VPS13B: variants seen among roughly 807,000 people sequenced by gnomAD.
VPS13B encodes the protein intermembrane lipid transfer protein VPS13B.
A neutral mutation model predicts 426.4 loss-of-function variants in VPS13B; 285 were observed. The ratio of observed to expected loss-of-function variants is 0.67; its 90% CI spans 0.61 to 0.74. VPS13B has a LOEUF of 0.74. Ranked by LOEUF, VPS13B falls within the 30% of genes least tolerant of loss-of-function variation. The pLI is 0.00. For missense variants in VPS13B, 4,537 were observed against 4,782.6 expected (o/e 0.95, Z 1.51); for synonymous variants, 1,676 against 1,676.4 (o/e 1.00, Z 0.01).
intron 18 of VPS13B, among the ~76,000 whole-genome samples, chr8:99,274,590 T>G (rs957892735): frequency 1.3e-5 from 2 of 152,122 alleles, no homozygotes; most frequent in African/African-American, 4.8e-5. Flanking sequence ...TTATACTTTT[T>G]GGGGGAATAG....
chr8:99,340,693 GT>G, intron 19 of VPS13B: 1 of 379,268 alleles, frequency 2.6e-6, no homozygotes, highest in Non-Finnish European at 5.1e-6. Flanking sequence ...ATGCACAGGT[GT>G]TTTGTTCTCC....
At chr8:99,399,144 A>G (rs1414301906) in intron 21 of VPS13B, among the ~76,000 whole-genome samples, 3 of 152,208 alleles carry the variant, frequency 2.0e-5, no homozygotes, top group Non-Finnish European at 4.4e-5. Flanking sequence ...AGTCTATCTA[A>G]TGAAGTACAT....
intron 35 of VPS13B, among the ~76,000 whole-genome samples, chr8:99,665,594 GT>G (rs1830453948): frequency 6.6e-6 from 1 of 152,112 alleles, no homozygotes; most frequent in African/African-American, 2.4e-5. Context: ...CCCATTGCTT[GT>G]TTTTGTCAGG....
At chr8:99,061,941 G>A (rs1844212616) in intron 3 of VPS13B, among the ~76,000 whole-genome samples, 1 of 152,202 alleles carries the variant, frequency 6.6e-6, no homozygotes, top group Non-Finnish European at 1.5e-5. Context: ...ATTTTAAGGA[G>A]TGAATCTTGT....
In VPS13B at chr8:99,211,764, A is replaced by G. The variant is rs1456419521; in HGVS notation, c.2515+18707A>G. Among the ~76,000 whole-genome samples the G allele has an allele frequency of 3.0e-4, 46 of 152,120 alleles. 1 individual carries two copies. The highest frequency in any genetic ancestry group is 2.9e-3 in the Admixed American group (45 of 15,276). On this transcript the variant is annotated intron_variant, in intron 17 of 61. Transcript: ENST00000357162. Reference sequence around the variant, plus strand: ...TGCACTCCAGCCTGGCGACAGAGAGAGAAAAAAATTACTTATGCTTTCTGT... The same window carrying G: ...TGCACTCCAGCCTGGCGACAGAGAGGGAAAAAAATTACTTATGCTTTCTGT...
At chr8:99,629,183 T>A (rs1299000950) in intron 33 of VPS13B, among the ~76,000 whole-genome samples, 1 of 152,194 alleles carries the variant, frequency 6.6e-6, no homozygotes, top group Non-Finnish European at 1.5e-5. Context: ...AATGAGTTGA[T>A]GTACATGGTG....
intron 19 of VPS13B, among the ~76,000 whole-genome samples, chr8:99,277,545 G>T (rs903274931): frequency 6.6e-6 from 1 of 152,082 alleles, no homozygotes; most frequent in Non-Finnish European, 1.5e-5. Context: ...AATCTTAAAT[G>T]AAAAAATCAA....
chr8:99,450,574 A>T (rs1441297868), intron 23 of VPS13B, among the ~76,000 whole-genome samples: 1 of 152,092 alleles, frequency 6.6e-6, no homozygotes, highest in Non-Finnish European at 1.5e-5. Context: ...TTAGCCGGGC[A>T]TGGTGGCGTG....
intron 39 of VPS13B, among the ~76,000 whole-genome samples, chr8:99,750,180 T>C (rs1171628288): frequency 6.6e-6 from 1 of 152,182 alleles, no homozygotes; most frequent in African/African-American, 2.4e-5. Context: ...CGTGATGAAG[T>C]ATTTCTAAGG....
At chr8:99,508,321 T>G (rs1161624102) in intron 28 of VPS13B, among the ~76,000 whole-genome samples, 1 of 152,198 alleles carries the variant, frequency 6.6e-6, no homozygotes, top group Non-Finnish European at 1.5e-5. Context: ...GGTACCTTCT[T>G]GAATCTGAAC....
In VPS13B at chr8:99,717,555, T is replaced by C. The variant is rs183660468; in HGVS notation, c.6657+182T>C. On this transcript the variant is annotated intron_variant, in intron 37 of 61. Transcript: ENST00000357162. ...GTCATATACCAGCAATCTACCTATTTCAAGTATACAATTCAGTGGTTTTTT... is the reference window on the plus strand; with the variant it reads ...GTCATATACCAGCAATCTACCTATTCCAAGTATACAATTCAGTGGTTTTTT... 4.5e-4 allele frequency among the ~76,000 whole-genome samples: 68 copies of C among 152,320 alleles called. 1 individual carries two copies. The highest frequency in any genetic ancestry group is 1.5e-3 in the African/African-American group (64 of 41,578).
At chr8:99,857,546 G>T (rs1164935993) in intron 56 of VPS13B, among the ~76,000 whole-genome samples, 1 of 152,178 alleles carries the variant, frequency 6.6e-6, no homozygotes, top group Non-Finnish European at 1.5e-5. Context: ...GCTCACAGAA[G>T]AAAGAGGTGG....
At chr8:99,054,054 C>T (rs1452323562) in intron 3 of VPS13B, among the ~76,000 whole-genome samples, 1 of 152,120 alleles carries the variant, frequency 6.6e-6, no homozygotes, top group Non-Finnish European at 1.5e-5. Context: ...TGTGTATTTA[C>T]CCCATTTGGT....
rs755074579 is a variant in VPS13B at position 99,821,103 on chromosome 8, AACACACACACACACACACACACAC to A, written c.8995-150_8995-127del. On this transcript the variant is annotated intron_variant, in intron 49 of 61. Coordinates refer to ENST00000357162, the MANE Select transcript of VPS13B (RefSeq NM_152564.5). ...AATAGAATGTACGTTGTCATTACAA[AACACACACACACACACACACACAC>A]ACACACACACACACACACACACACA... Among the ~76,000 whole-genome samples the A allele has an allele frequency of 6.0e-3, 468 of 78,364 alleles. 4 individuals are homozygous for A. Among genetic ancestry groups the A allele is most frequent in the Middle Eastern group, 0.037 (6 of 164 alleles). The allele number at this position is 78,364 out of a possible 152,430, so 51.4% of individuals were successfully genotyped here.
At chr8:99,212,141 C>T (rs1053903171) in intron 17 of VPS13B, among the ~76,000 whole-genome samples, 2 of 152,154 alleles carry the variant, frequency 1.3e-5, no homozygotes, top group African/African-American at 4.8e-5. Context: ...GATCCGCCCG[C>T]CTTGGCGTCC....
At chr8:99,542,597 CTG>C (rs910234406) in intron 30 of VPS13B, among the ~76,000 whole-genome samples, 1 of 152,158 alleles carries the variant, frequency 6.6e-6, no homozygotes, top group Non-Finnish European at 1.5e-5. Context: ...TGAGATCAGA[CTG>C]TGGCAGCTTT....
intron 24 of VPS13B, among the ~76,000 whole-genome samples, chr8:99,468,471 T>A (rs1000099259): frequency 4.5e-4 from 68 of 151,862 alleles, no homozygotes; most frequent in African/African-American, 5.1e-4. Flanking sequence ...TTAAAAAAAA[T>A]TTAAATATTA....
At chr8:99,161,867 G>A (rs1458374131) in intron 15 of VPS13B, among the ~76,000 whole-genome samples, 2 of 151,518 alleles carry the variant, frequency 1.3e-5, no homozygotes, top group African/African-American at 4.9e-5. Flanking sequence ...CGAGTAGCTA[G>A]GATTACAGGT....
intron 21 of VPS13B, among the ~76,000 whole-genome samples, chr8:99,397,337 G>A (rs1326550537): frequency 6.6e-6 from 1 of 152,094 alleles, no homozygotes; most frequent in East Asian, 1.9e-4. Context: ...TAGAGACGGG[G>A]TTTCACCGTG....
Sources: gnomAD v4.1 joint callset for allele counts (sites outside exome capture counted in the v4.1 genomes callset) on GRCh38, gnomAD v4.1.1 for gene constraint, MANE v1.5 for transcripts, NCBI Gene and HGNC (gene_info 2026-07-23, HGNC 2026-07-21) for gene names.